Variants in PRPF39 observed in about 807,000 individuals in gnomAD.
The protein encoded by PRPF39 is pre-mRNA-processing factor 39.
In PRPF39, 27 loss-of-function variants were observed where a neutral mutation model predicts 82.1. That is an observed-to-expected ratio of 0.33 (90% confidence interval 0.24 to 0.45). The LOEUF (loss-of-function observed/expected upper bound fraction) is 0.45. PRPF39 is among the 20% of genes least tolerant of loss of function. The probability of loss-of-function intolerance (pLI) is 1.00; values close to 1 mark genes in which losing one functional copy is unlikely to be tolerated. For missense variants in PRPF39, 581 were observed against 796.9 expected (o/e 0.73, Z 3.26); for synonymous variants, 261 against 256.4 (o/e 1.02, Z -0.17).
In PRPF39 at chr14:45,112,364, G is replaced by T. The variant is rs201106599; in HGVS notation, c.1619G>T (p.Gly540Val). ...AATTTACTTGAAATGGAATATAGTGGTGACCTCAAACAAAATGAAGAAAAT... is the reference window on the plus strand; with the variant it reads ...AATTTACTTGAAATGGAATATAGTGTTGACCTCAAACAAAATGAAGAAAAT... Reference protein sequence around the residue: ...YLNLLEMEYSGDLKQNEENIL... With the variant: ...YLNLLEMEYSVDLKQNEENIL... The change falls in exon 11 of 14, where the codon GGT becomes GTT. Residue 540 changes from glycine (G) to valine (V), a missense_variant. Transcript: ENST00000355765. The T allele has an allele frequency of 4.4e-6, 7 of 1,580,600 alleles. No homozygotes were observed. The Admixed American group carries it at 7.9e-5, about 18-fold the overall frequency.
In PRPF39 at chr14:45,091,527, G is replaced by A. The variant is rs76693820; in HGVS notation, c.-19-3694G>A. Reference sequence around the variant, plus strand: ...TTTAAAGGGTCACACATAGACACATGACCCCGAATGCAAAACTAATATGAC... The same window carrying A: ...TTTAAAGGGTCACACATAGACACATAACCCCGAATGCAAAACTAATATGAC... On this transcript the variant is annotated intron_variant, in intron 1 of 13. Coordinates refer to ENST00000355765, the MANE Select transcript of PRPF39 (RefSeq NM_017922.4). 6.4e-3 allele frequency among the ~76,000 whole-genome samples: 970 copies of A among 152,250 alleles called. 13 individuals carry two copies. The highest frequency in any genetic ancestry group is 0.022 in the African/African-American group (916 of 41,534).
chr14:45,097,651 CTT>C (rs1026082128), intron 4 of PRPF39, among the ~76,000 whole-genome samples: 38 of 152,310 alleles, frequency 2.5e-4, no homozygotes, highest in African/African-American at 8.7e-4. Flanking sequence ...AGTGGCATCT[CTT>C]TTAATTTGTT....
At chr14:45,106,112 G>A (rs1884524434) in intron 5 of PRPF39, among the ~76,000 whole-genome samples, 1 of 152,096 alleles carries the variant, frequency 6.6e-6, no homozygotes, top group Non-Finnish European at 1.5e-5. Flanking sequence ...CACTTTGGGA[G>A]GCTGAGGCGG....
chr14:45,097,130 A>T (rs915474889), intron 4 of PRPF39, 125 bp downstream of exon 4: 3 of 1,344,282 alleles, frequency 2.2e-6, no homozygotes, highest in East Asian at 5.2e-5. Flanking sequence ...AAAATGATAC[A>T]TGTAATAAAC....
intron 5 of PRPF39, among the ~76,000 whole-genome samples, chr14:45,104,690 A>T (rs973932014): frequency 6.6e-6 from 1 of 152,230 alleles, no homozygotes; most frequent in Non-Finnish European, 1.5e-5. Flanking sequence ...TACCCTGCAC[A>T]TTATCTCTGA....
intron 4 of PRPF39, among the ~76,000 whole-genome samples, chr14:45,101,459 AC>A (rs1884370024): frequency 6.7e-6 from 1 of 148,340 alleles, no homozygotes; most frequent in South Asian, 2.1e-4. Context: ...TTTGTAACAA[AC>A]TTTTTTTTTT....
At chr14:45,113,837 CTG>C (rs1265148820) in intron 11 of PRPF39, among the ~76,000 whole-genome samples, 1 of 152,138 alleles carries the variant, frequency 6.6e-6, no homozygotes, top group Non-Finnish European at 1.5e-5. Context: ...GTGATCTTGA[CTG>C]TGTTGTGCAT....
At chr14:45,103,040 G>C (rs959942174) in intron 5 of PRPF39, among the ~76,000 whole-genome samples, 3 of 152,140 alleles carry the variant, frequency 2.0e-5, no homozygotes, top group Admixed American at 2.0e-4. Flanking sequence ...AATTGACACA[G>C]TGCCTGGCAC....
At chr14:45,097,146 C>T in intron 4 of PRPF39, 141 bp downstream of exon 4, 1 of 1,307,328 alleles carries the variant, frequency 7.6e-7, no homozygotes, top group East Asian at 2.6e-5. Flanking sequence ...TAAACTTAAG[C>T]TTTATGATTT....
rs758153475 is a variant in PRPF39, at chr14:45,110,053, CA to C, written c.1177-39del. 14 of 1,577,852 alleles carry C rather than the reference CA, an allele frequency of 8.9e-6. No homozygotes were observed. In the Admixed American group the frequency reaches 2.4e-4, roughly 28 times the overall value. On this transcript the variant is annotated intron_variant, in intron 8 of 13. Transcript: ENST00000355765. The surrounding 1 kb of genome is among the most constrained non-coding windows in gnomAD (Gnocchi z 4.0). ...TCTGTCACAAATTTAATGGCTTGTT[CA>C]ACTGTAAATTATTCAGTATTTCCTC...
intron 11 of PRPF39, among the ~76,000 whole-genome samples, chr14:45,113,974 G>T (rs373538010): frequency 6.6e-6 from 1 of 152,160 alleles, no homozygotes; most frequent in Non-Finnish European, 1.5e-5. Context: ...ACAAATCGGA[G>T]ATTCAACACA....
At chr14:45,085,600 A>T (rs1030485634) in intron 1 of PRPF39, among the ~76,000 whole-genome samples, 1 of 152,226 alleles carries the variant, frequency 6.6e-6, no homozygotes, top group Non-Finnish European at 1.5e-5. Context: ...CCGAAGATTG[A>T]TGTAGACGTT....
Position 45,108,430 on chromosome 14 carries a change from G to A in PRPF39, c.919G>A (p.Glu307Lys). The change falls in exon 7 of 14, where the codon GAA (glutamate) becomes AAA (lysine). Residue 307 changes from glutamate to lysine, a missense_variant. Physicochemically the swap from Glu to Lys is moderately conservative, Grantham distance 56 (BLOSUM62 1). Transcript: ENST00000355765. ...TCTTCCCAAGCTAATTACAGAAATAGAAAACATGAGACATAGAATCATTGA... is the reference window on the plus strand; with the variant it reads ...TCTTCCCAAGCTAATTACAGAAATAAAAAACATGAGACATAGAATCATTGA... The part of the protein sequence containing the change: ...TDPAKLITEI[E>K]NMRHRIIEIH... The A allele has an allele frequency of 6.3e-7, 1 of 1,576,936 alleles. No homozygotes were observed. The highest frequency in any genetic ancestry group is 8.6e-7 in the Non-Finnish European group (1 of 1,168,240).
chr14:45,087,878 C>T (rs910768414), intron 1 of PRPF39, among the ~76,000 whole-genome samples: 1 of 151,944 alleles, frequency 6.6e-6, no homozygotes, highest in Non-Finnish European at 1.5e-5. Flanking sequence ...TGAGCCACTG[C>T]GCCCGGCCTC....
At chr14:45,087,978 T>G (rs1241151290) in intron 1 of PRPF39, among the ~76,000 whole-genome samples, 1 of 152,202 alleles carries the variant, frequency 6.6e-6, no homozygotes, top group Non-Finnish European at 1.5e-5. Context: ...TATGGGTTAC[T>G]GAAGACTAAT....
At chr14:45,088,866 A>G (rs925428251) in intron 1 of PRPF39, among the ~76,000 whole-genome samples, 7 of 152,226 alleles carry the variant, frequency 4.6e-5, no homozygotes, top group Non-Finnish European at 1.0e-4. Context: ...AAAACCATAT[A>G]CTTTTACTAT....
At chr14:45,109,321 GCTTT>G (rs1318521992) in intron 7 of PRPF39, among the ~76,000 whole-genome samples, 2 of 152,122 alleles carry the variant, frequency 1.3e-5, no homozygotes. Context: ...CCATTGATCT[GCTTT>G]CTGTCACTAT....
At chr14:45,095,147 T>A (rs1206857234) in intron 1 of PRPF39, 74 bp from the exon 2 acceptor site, 19 of 947,294 alleles carry the variant, frequency 2.0e-5, no homozygotes, top group Admixed American at 1.0e-4. Flanking sequence ...TAGGGCTTTT[T>A]AAAAGGTGTT....
chr14:45,101,807 T>TA (rs1884383619), intron 4 of PRPF39, among the ~76,000 whole-genome samples: 1 of 151,000 alleles, frequency 6.6e-6, no homozygotes, highest in Non-Finnish European at 1.5e-5. Flanking sequence ...AGTATATGTA[T>TA]ACTTTTTTTT....
Sources: gnomAD v4.1 joint callset for allele counts (sites outside exome capture counted in the v4.1 genomes callset) on GRCh38, gnomAD v4.1.1 for gene constraint, Gnocchi (gnomAD v3.1) non-coding constraint, MANE v1.5 for transcripts, NCBI Gene and HGNC (gene_info 2026-07-23, HGNC 2026-07-21) for gene names.